BRCA1: variants seen among roughly 807,000 people sequenced by gnomAD.
BRCA1 encodes the protein breast cancer type 1 susceptibility protein.
BRCA1 carries 140 observed loss-of-function variants against 173.7 expected under a neutral mutation model. The observed-to-expected ratio is 0.81, with a 90% CI of 0.70 to 0.93. The LOEUF is 0.93. Ranked by LOEUF, BRCA1 falls within the 40% of genes least tolerant of loss-of-function variation. The pLI, the probability that BRCA1 is intolerant of heterozygous loss-of-function variation, is 0.00. For missense variants in BRCA1, 1,983 were observed against 2,172.5 expected (o/e 0.91, Z 1.73); for synonymous variants, 662 against 756.0 (o/e 0.88, Z 2.04).
intron 11 of BRCA1, among the ~76,000 whole-genome samples, chr17:43,084,597 G>A (rs1019353771): frequency 6.6e-6 from 1 of 152,160 alleles, no homozygotes; most frequent in African/African-American, 2.4e-5. Flanking sequence ...AAATGACTTT[G>A]CCCTTTACTA....
intron 15 of BRCA1, among the ~76,000 whole-genome samples, chr17:43,070,317 A>G (rs1283649220): frequency 6.6e-6 from 1 of 152,112 alleles, no homozygotes; most frequent in African/African-American, 2.4e-5. Context: ...AAATCCACAA[A>G]TAGCCCAAGC....
intron 16 of BRCA1, among the ~76,000 whole-genome samples, chr17:43,064,611 T>G (rs1256215473): frequency 1.3e-5 from 2 of 152,182 alleles, no homozygotes; most frequent in Non-Finnish European, 2.9e-5. Context: ...TGTATTTAAC[T>G]AAATCCTAAA....
chr17:43,140,101 G>A (rs1304487976), intron 1 of BRCA1: 5 of 348,986 alleles, frequency 1.4e-5, no homozygotes, highest in African/African-American at 1.1e-4. Context: ...CTGGGGTGGG[G>A]AGCAGAGCTG....
rs786204265 is a variant in BRCA1 at position 43,092,438 on chromosome 17, A to T, written c.3093T>A (p.Ile1031=). 6 of 1,613,792 alleles carry T rather than the reference A, an allele frequency of 3.7e-6. No homozygotes were observed. The highest frequency in any genetic ancestry group is 5.1e-6 in the Non-Finnish European group (6 of 1,179,964). Residue 1031 remains isoleucine, a synonymous_variant, in exon 10 of 23, where the codon ATT becomes ATA. Transcript: ENST00000357654. ...TGGCTTCTTTAAAAACATTTTCTCTAATGTTATTACGGCTAATTGTGCTCA... is the reference window on the plus strand; with the variant it reads ...TGGCTTCTTTAAAAACATTTTCTCTTATGTTATTACGGCTAATTGTGCTCA... ...STVSTISRNN[I]RENVFKEASS...
At position 43,146,407 on chromosome 17, in the gene BRCA1, C is replaced by G. The variant is rs1243511108; in HGVS notation, c.-19-22292G>C. Among the ~76,000 whole-genome samples the G allele has an allele frequency of 2.1e-5, 3 of 142,440 alleles. No homozygotes were observed. In the Admixed American group the frequency reaches 2.3e-4, roughly 11 times the overall value. 93.4% of individuals were successfully genotyped at this position (142,440 alleles called of 152,430 possible). On this transcript the variant is annotated intron_variant, in intron 1 of 7. Transcript: ENST00000634433. ...TACTGCAAGCTCTGCCTCCCGGGTT[C>G]ACGCCATTCTCCTGCCTTAGCCTCC...
At chr17:43,073,766 A>ATTT (rs974171622) in intron 14 of BRCA1, among the ~76,000 whole-genome samples, 8 of 151,020 alleles carry the variant, frequency 5.3e-5, no homozygotes, top group African/African-American at 1.9e-4. Context: ...ATATATATAT[A>ATTT]TTTTTTGAGA....
At chr17:43,072,009 AAAAAATAAATAAAT>A (rs916092693) in intron 14 of BRCA1, among the ~76,000 whole-genome samples, 3 of 151,780 alleles carry the variant, frequency 2.0e-5, no homozygotes, top group Admixed American at 6.5e-5. Flanking sequence ...CTCCGTCTCA[AAAAAATAAATAAAT>A]AAAAATAAAT....
At chr17:43,136,178 A>G (rs1361674141) in intron 1 of BRCA1, among the ~76,000 whole-genome samples, 2 of 152,228 alleles carry the variant, frequency 1.3e-5, no homozygotes, top group African/African-American at 2.4e-5. Context: ...GAAACAGGCA[A>G]TGAGGAAAGG....
At chr17:43,081,242 A>G (rs1287886820) in intron 12 of BRCA1, among the ~76,000 whole-genome samples, 1 of 152,230 alleles carries the variant, frequency 6.6e-6, no homozygotes, top group Non-Finnish European at 1.5e-5. Flanking sequence ...CTGATCTCTC[A>G]TTATCTGAGA....
rs184372626 is a variant in BRCA1 at position 43,071,244 on chromosome 17, A to G, written c.4676-6T>C. On this transcript the variant is annotated splice_polypyrimidine_tract_variant and splice_region_variant and intron_variant, in intron 14 of 22. Transcript: ENST00000357654. ...TTCCAGGTAAGGGGTTCCCTCTGAA[A>G]GGAATGGGAGAAGTTTAATTTACAC... is the stretch of plus-strand genomic sequence containing the variant. 6.2e-7 allele frequency: 1 copy of G among 1,613,404 alleles called. No individual in the cohort carries two copies. Among genetic ancestry groups the G allele is most frequent in the East Asian group, 2.2e-5 (1 of 44,886 alleles).
rs35584960 is a variant in BRCA1 at position 43,102,357 on chromosome 17, C to CTTTTTTTTTTTT, written c.441+1753_441+1764dup. Among the ~76,000 whole-genome samples the CTTTTTTTTTTTT allele has an allele frequency of 2.5e-4, 23 of 93,208 alleles. 1 individual carries two copies. Among genetic ancestry groups the CTTTTTTTTTTTT allele is most frequent in the Non-Finnish European group, 3.2e-4 (16 of 49,748 alleles). The allele number at this position is 93,208 out of a possible 152,430, so 61.1% of individuals were successfully genotyped here. Reference sequence around the variant, plus strand: ...AAGTGCTGGGATTACAGGCGTGAAGCTTTTTTTTTTTTTTTTTTGAGACGG... The same window carrying CTTTTTTTTTTTT: ...AAGTGCTGGGATTACAGGCGTGAAGCTTTTTTTTTTTTTTTTTTTTTTTTTTTTTTGAGACGG... On this transcript the variant is annotated intron_variant, in intron 6 of 22. Transcript: ENST00000357654.
intron 13 of BRCA1, among the ~76,000 whole-genome samples, chr17:43,075,188 T>C (rs535142720): frequency 6.6e-6 from 1 of 152,174 alleles, no homozygotes; most frequent in Non-Finnish European, 1.5e-5. Context: ...TGAGTCTAAA[T>C]GGATATGTTA....
intron 16 of BRCA1, 130 bp from the exon 17 acceptor site, chr17:43,064,081 T>G: frequency 1.3e-6 from 1 of 776,298 alleles, no homozygotes; most frequent in South Asian, 1.5e-5. Flanking sequence ...CTAAAACCCC[T>G]GGTGACAGAA....
intron 1 of BRCA1, among the ~76,000 whole-genome samples, chr17:43,165,195 C>G (rs772630907): frequency 6.6e-6 from 1 of 151,710 alleles, no homozygotes; most frequent in South Asian, 2.1e-4. Flanking sequence ...TCTTTTTAAC[C>G]CTTTATAATT....
rs397508903 is a variant in BRCA1, at chr17:43,093,802, C to G, written c.1729G>C (p.Glu577Gln). ...NPNPIESLEK[E>Q]SAFKTKAEPI... ...TCAGCTTTCGTTTTGAAAGCAGATT[C>G]TTTTTCGAGTGATTCTATTGGGTTA... Residue 577 changes from glutamate to glutamine, a missense_variant, in exon 10 of 23, where the codon GAA becomes CAA. Glu to Gln is a conservative substitution (Grantham distance 29). Transcript: ENST00000357654. The G allele has an allele frequency of 6.2e-7, 1 of 1,613,516 alleles. No individual in the cohort carries two copies. The highest frequency in any genetic ancestry group is 1.7e-5 in the Admixed American group (1 of 59,928).
At chr17:43,128,817 CTT>C (rs370442015), upstream of BRCA1, among the ~76,000 whole-genome samples, 1 of 142,064 alleles carries the variant, frequency 7.0e-6, no homozygotes. Flanking sequence ...TCAGGCCACA[CTT>C]TTTTTTTTTT....
At chr17:43,091,262 G>A (rs1430559566) in intron 10 of BRCA1, 173 bp downstream of exon 10, 1 of 915,782 alleles carries the variant, frequency 1.1e-6, no homozygotes, top group Admixed American at 2.1e-5. Context: ...CGTCCTAGCT[G>A]TGTGAAGGAC....
intron 3 of BRCA1, among the ~76,000 whole-genome samples, chr17:43,111,878 A>T (rs769337190): frequency 6.6e-6 from 1 of 152,178 alleles, no homozygotes; most frequent in Admixed American, 6.6e-5. Flanking sequence ...AAAAGATTTC[A>T]GAACTTTAGG....
intron 13 of BRCA1, among the ~76,000 whole-genome samples, chr17:43,074,794 G>A (rs111621189): frequency 1.3e-5 from 2 of 152,028 alleles, no homozygotes; most frequent in Admixed American, 6.6e-5. Context: ...GGTGGCTGGC[G>A]CCTGTAATCT....
Sources: gnomAD v4.1 joint callset for allele counts (sites outside exome capture counted in the v4.1 genomes callset) on GRCh38, gnomAD v4.1.1 for gene constraint, MANE v1.5 for transcripts, NCBI Gene and HGNC (gene_info 2026-07-23, HGNC 2026-07-21) for gene names.